OSBPL11: variants seen among roughly 807,000 people sequenced by gnomAD.
OSBPL11 encodes oxysterol binding protein like 11.
A neutral mutation model predicts 84.4 loss-of-function variants in OSBPL11; 33 were observed. That is an observed-to-expected ratio of 0.39 (90% CI 0.30 to 0.52). The LOEUF is 0.52. Among genes scored for constraint, OSBPL11 ranks in the 20% least tolerant of loss-of-function variants. The pLI is 0.72. For synonymous variants in OSBPL11, 276 were observed against 310.2 expected, an observed-to-expected ratio of 0.89 and a Z score of 1.16; for missense variants, 736 against 901.1, an observed-to-expected ratio of 0.82 and a Z score of 2.35.
At chr3:125,581,011 C>T (rs1160892502) in intron 2 of OSBPL11, among the ~76,000 whole-genome samples, 2 of 151,608 alleles carry the variant, frequency 1.3e-5, no homozygotes, top group South Asian at 4.1e-4. Context: ...TACTAATACA[C>T]TTTGGAAAAA....
intron 1 of OSBPL11, among the ~76,000 whole-genome samples, chr3:125,584,615 G>A (rs9853814): frequency 0.14 from 20,910 of 152,138 alleles, 1,593 homozygotes; most frequent in African/African-American, 0.2. Flanking sequence ...CCATTAGCAT[G>A]TAATAAAAAA....
intron 6 of OSBPL11, among the ~76,000 whole-genome samples, chr3:125,565,459 A>C (rs1278409747): frequency 6.6e-6 from 1 of 152,208 alleles, no homozygotes; most frequent in Non-Finnish European, 1.5e-5. Flanking sequence ...ATAAATACTA[A>C]GCAAATTTAT....
At chr3:125,552,116 A>C in intron 9 of OSBPL11, 65 bp downstream of exon 9, 1 of 938,782 alleles carries the variant, frequency 1.1e-6, no homozygotes, top group Non-Finnish European at 1.4e-6. Context: ...CTTGGAAAAA[A>C]AAATACATAT....
At chr3:125,538,747 T>C in intron 10 of OSBPL11, 114 bp from the exon 11 acceptor site, 1 of 822,182 alleles carries the variant, frequency 1.2e-6, no homozygotes, top group Non-Finnish European at 1.9e-6. Flanking sequence ...GTTATATACC[T>C]CACTTCAATA....
In OSBPL11 at chr3:125,579,953, C is replaced by A. The variant is rs1291623629; in HGVS notation, c.321G>T (p.Gln107His). The change falls in exon 3 of 13, where the codon CAG (glutamine) becomes CAT (histidine). Residue 107 changes from glutamine (Q) to histidine (H), a missense_variant. Transcript: ENST00000296220. ...TGGGTGATATTACAGCTCCTGCAAG[C>A]TGCAAAGTTCCTCTAGGTTTCTGAT... Reference protein sequence around the residue: ...SRNQKPRGTLQLAGAVISPSD... With the variant: ...SRNQKPRGTLHLAGAVISPSD... 1 of 1,614,070 alleles carries A rather than the reference C, an allele frequency of 6.2e-7. No individual in the cohort carries two copies. The highest frequency in any genetic ancestry group is 8.5e-7 in the Non-Finnish European group (1 of 1,179,994).
chr3:125,579,356 A>T (rs1469305005), intron 3 of OSBPL11, among the ~76,000 whole-genome samples: 1 of 152,244 alleles, frequency 6.6e-6, no homozygotes, highest in Non-Finnish European at 1.5e-5. Context: ...TGTATAATCA[A>T]TACTTTCAGA....
At chr3:125,531,629 A>G (rs961641110) in intron 12 of OSBPL11, among the ~76,000 whole-genome samples, 3 of 151,736 alleles carry the variant, frequency 2.0e-5, no homozygotes, top group Admixed American at 6.6e-5. Context: ...AGATGTTCTC[A>G]CTTAGAAACT....
rs1450885288 is a variant in OSBPL11, at chr3:125,587,643, A to G, written c.165-4665T>C. ...CAGAAACCAGAGAAAGTGTTTCAAG[A>G]TAAGTCTGTGGTCAAGAATATTCAG... On this transcript the variant is annotated intron_variant, in intron 1 of 12. Transcript: ENST00000296220. 3.3e-5 allele frequency among the ~76,000 whole-genome samples: 5 copies of G among 152,326 alleles called. 1 individual carries two copies. The highest frequency in any genetic ancestry group is 3.4e-3 in the Middle Eastern group (1 of 294).
At chr3:125,550,194 C>T (rs1317284797) in intron 9 of OSBPL11, among the ~76,000 whole-genome samples, 1 of 151,604 alleles carries the variant, frequency 6.6e-6, no homozygotes, top group African/African-American at 2.4e-5. Flanking sequence ...GGCAACATGG[C>T]AAAAATCTCA....
At position 125,560,438 on chromosome 3, in the gene OSBPL11, G is replaced by C. The variant is rs1031622834; in HGVS notation, c.1096C>G (p.Gln366Glu). 86 of 1,608,628 alleles carry C rather than the reference G, an allele frequency of 5.3e-5. No homozygotes were observed. The highest frequency in any genetic ancestry group is 6.8e-5 in the Non-Finnish European group (80 of 1,176,942). Residue 366 changes from glutamine (Q) to glutamate (E), a missense_variant, in exon 8 of 13, where the codon CAA (glutamine) becomes GAA (glutamate). Gln to Glu is a conservative substitution (Grantham distance 29). Coordinates refer to ENST00000296220, the MANE Select transcript of OSBPL11 (RefSeq NM_022776.5). The stretch of plus-strand genomic sequence containing the variant: ...AAGAGATGTAGGATGACACTACGTT[G>C]TTCTTCTACAGCTCCCAGGTCATCC... ...KEDDLGAVEE[Q>E]RSVILHLLSQ...
chr3:125,557,989 T>C (rs1325780300), intron 8 of OSBPL11, among the ~76,000 whole-genome samples: 1 of 152,040 alleles, frequency 6.6e-6, no homozygotes, highest in Non-Finnish European at 1.5e-5. Flanking sequence ...AGACAGGGTT[T>C]CGCCATGTTG....
Position 125,552,579 on chromosome 3 carries a change from G to T in OSBPL11, c.1256C>A (p.Ala419Asp). The change falls in exon 9 of 13, where the codon GCC (alanine) becomes GAC (aspartate). Residue 419 changes from alanine to aspartate, a missense_variant. Physicochemically the swap from Ala to Asp is moderately radical, Grantham distance 126. This residue lies in a region of OSBPL11 where 579 missense variants were observed against 717.6 expected (regional missense o/e 0.81). Transcript: ENST00000296220. The stretch of plus-strand genomic sequence containing the variant: ...GCGAATCATTCTGTCCTCAGCTGTG[G>T]CTCCATTAGTGATGGCTATAAATAG... ...PDLFIAITNGATAEDRMIRFV... is the reference protein window; with the variant it reads ...PDLFIAITNGDTAEDRMIRFV... The T allele has an allele frequency of 6.2e-7, 1 of 1,614,194 alleles. No individual in the cohort carries two copies. Among genetic ancestry groups the T allele is most frequent in the East Asian group, 2.2e-5 (1 of 44,880 alleles).
chr3:125,586,340 C>T (rs1206291801), intron 1 of OSBPL11, among the ~76,000 whole-genome samples: 2 of 152,108 alleles, frequency 1.3e-5, no homozygotes, highest in African/African-American at 4.8e-5. Flanking sequence ...ATCTTTTAAA[C>T]TTGTTAACAT....
chr3:125,581,743 A>T (rs1250631956), intron 2 of OSBPL11, among the ~76,000 whole-genome samples: 2 of 146,920 alleles, frequency 1.4e-5, no homozygotes, highest in African/African-American at 5.0e-5. Flanking sequence ...GGGCTGGATG[A>T]GTTGAGATTG....
intron 7 of OSBPL11, among the ~76,000 whole-genome samples, chr3:125,563,143 A>G (rs1936102099): frequency 6.6e-6 from 1 of 152,202 alleles, no homozygotes; most frequent in Non-Finnish European, 1.5e-5. Context: ...AAAAATATCA[A>G]TATGATTTGT....
rs1424125057 is a variant in OSBPL11, at chr3:125,595,434, G to A, written c.-634C>T. ...ACTTCCTCTTATGCCCCTGGCCCGG[G>A]CCCTCGACTGGGTTCCCAGGAGCCG... On this transcript the variant is annotated 5_prime_UTR_variant, in exon 1 of 13. Coordinates refer to ENST00000296220, the MANE Select transcript of OSBPL11 (RefSeq NM_022776.5). Among the ~76,000 whole-genome samples the A allele has an allele frequency of 6.6e-6, 1 of 152,200 alleles. No individual in the cohort carries two copies. The highest frequency in any genetic ancestry group is 1.9e-4 in the East Asian group (1 of 5,194).
At position 125,582,816 on chromosome 3, in the gene OSBPL11, ATGTC is replaced by A. The variant is rs1580062648; in HGVS notation, c.233+90_233+93del. On this transcript the variant is annotated intron_variant, in intron 2 of 12. Coordinates refer to ENST00000296220, the MANE Select transcript of OSBPL11 (RefSeq NM_022776.5). ...TCCTTCTCTAAAAGGTTTCCCAGCC[ATGTC>A]TGTCTAAAGTAATATCAAAATATAA... 29 of 931,902 alleles carry A rather than the reference ATGTC, an allele frequency of 3.1e-5. No individual in the cohort carries two copies. The East Asian group carries it at 7.9e-4, about 25-fold the overall frequency. The allele number at this position is 931,902 out of a possible 1,614,324, so 57.7% of individuals were successfully genotyped here.
chr3:125,543,823 C>T (rs1935770865), intron 10 of OSBPL11, among the ~76,000 whole-genome samples: 1 of 152,066 alleles, frequency 6.6e-6, no homozygotes, highest in Admixed American at 6.5e-5. Flanking sequence ...CAGCTTGAAC[C>T]TGGGAGGCGG....
At chr3:125,554,725 T>C (rs1455028683) in intron 8 of OSBPL11, among the ~76,000 whole-genome samples, 1 of 150,914 alleles carries the variant, frequency 6.6e-6, no homozygotes, top group Non-Finnish European at 1.5e-5. Context: ...AATCAGAAAA[T>C]TTAAAAACAT....
Sources: allele counts gnomAD v4.1 joint callset (sites outside exome capture counted in the v4.1 genomes callset), GRCh38; gene constraint gnomAD v4.1.1; regional missense constraint gnomAD v4.1.1; transcripts MANE v1.5; gene names NCBI Gene and HGNC (gene_info 2026-07-23, HGNC 2026-07-21).